ZMIZ1: variants seen among roughly 807,000 people sequenced by gnomAD.
ZMIZ1 encodes zinc finger MIZ-type containing 1, also known as zinc finger MIZ domain-containing protein 1.
In ZMIZ1, 17 loss-of-function variants were observed where a neutral mutation model predicts 113.9. The ratio of observed to expected loss-of-function variants is 0.15; its 90% CI spans 0.10 to 0.22. ZMIZ1 has a LOEUF of 0.22. ZMIZ1 is among the 10% of genes least tolerant of loss of function. ZMIZ1 has a pLI of 1.00. For synonymous variants in ZMIZ1, 607 were observed against 603.1 expected (o/e 1.01, Z -0.09); for missense variants, 1,059 against 1,477.8 (o/e 0.72, Z 4.65).
At chr10:79,270,544 T>C (rs1286475151) in intron 7 of ZMIZ1, among the ~76,000 whole-genome samples, 1 of 152,210 alleles carries the variant, frequency 6.6e-6, no homozygotes, top group Non-Finnish European at 1.5e-5. Flanking sequence ...CCGATCATAC[T>C]ATGGCACAGC....
chr10:79,097,749 A>G lies in ZMIZ1; in HGVS notation c.-336-21166A>G, dbSNP rs1843220125. ...CAGTGGCGCAGTGAAGTTTTTATCA[A>G]TTTCTGTCACTTTGGGCTTTTGTGC... is the stretch of plus-strand genomic sequence containing the variant. On this transcript the variant is annotated intron_variant, in intron 1 of 24. Transcript: ENST00000334512. Among the ~76,000 whole-genome samples the G allele has an allele frequency of 3.3e-5, 5 of 152,074 alleles. 1 individual carries two copies. The South Asian group carries it at 1.0e-3, about 32-fold the overall frequency.
intron 1 of ZMIZ1, among the ~76,000 whole-genome samples, chr10:79,080,588 C>T (rs765230148): frequency 1.3e-5 from 2 of 152,110 alleles, no homozygotes; most frequent in Middle Eastern, 3.2e-3. Flanking sequence ...GGATTATAGA[C>T]GTGAGTCACT....
At position 79,102,333 on chromosome 10, in the gene ZMIZ1, C is replaced by T. The variant is rs571674480; in HGVS notation, c.-336-16582C>T. On this transcript the variant is annotated intron_variant, in intron 1 of 24. Transcript: ENST00000334512. ...TTTTTAGCCTTCAGAGGGCTGTGGG[C>T]GCAGCAGCGTGACCTGAATCTGGCT... Among the ~76,000 whole-genome samples, 12 of 152,320 alleles carry T rather than the reference C, an allele frequency of 7.9e-5. No individual in the cohort carries two copies. In the South Asian group the frequency reaches 1.4e-3, roughly 18 times the overall value.
intron 1 of ZMIZ1, among the ~76,000 whole-genome samples, chr10:79,078,071 G>C (rs1212644305): frequency 1.3e-5 from 2 of 152,204 alleles, no homozygotes; most frequent in Non-Finnish European, 2.9e-5. Flanking sequence ...CCCCCAGTCA[G>C]TCATAACCCA....
intron 3 of ZMIZ1, among the ~76,000 whole-genome samples, chr10:79,141,494 A>G (rs1237286593): frequency 6.6e-6 from 1 of 151,490 alleles, no homozygotes; most frequent in Non-Finnish European, 1.5e-5. Flanking sequence ...TGTAACCTCG[A>G]CCTCCCCAGC....
At chr10:79,259,202 T>A (rs1851104101) in intron 7 of ZMIZ1, among the ~76,000 whole-genome samples, 1 of 152,174 alleles carries the variant, frequency 6.6e-6, no homozygotes, top group African/African-American at 2.4e-5. Flanking sequence ...TTTAATTTGT[T>A]TTTTCTTGCT....
intron 14 of ZMIZ1, 119 bp from the exon 15 acceptor site, chr10:79,298,287 C>T: frequency 2.6e-6 from 3 of 1,132,800 alleles, no homozygotes. Flanking sequence ...CTGGAGGAGG[C>T]TCTCCTCCCG....
intron 1 of ZMIZ1, among the ~76,000 whole-genome samples, chr10:79,077,194 G>A (rs116976374): frequency 0.011 from 1,643 of 152,214 alleles, 11 homozygotes; most frequent in Non-Finnish European, 0.015. Flanking sequence ...TGTCCACAGG[G>A]GTCCCACCCA....
chr10:79,257,707 G>C (rs1183849374), intron 7 of ZMIZ1, among the ~76,000 whole-genome samples: 1 of 152,264 alleles, frequency 6.6e-6, no homozygotes, highest in Admixed American at 6.5e-5. Context: ...TGCTCTTGCT[G>C]TCTATCTCCT....
chr10:79,285,413 A>G, intron 8 of ZMIZ1: 1 of 453,860 alleles, frequency 2.2e-6, no homozygotes, highest in South Asian at 1.6e-5. Context: ...CCCTCACGGC[A>G]GCCTTCGAAG....
intron 3 of ZMIZ1, among the ~76,000 whole-genome samples, chr10:79,150,439 C>T (rs926077847): frequency 6.6e-6 from 1 of 152,256 alleles, no homozygotes; most frequent in African/African-American, 2.4e-5. Context: ...ACCCCCCACA[C>T]ATGCTAATGA....
chr10:79,150,880 G>T (rs1029322069), intron 3 of ZMIZ1, among the ~76,000 whole-genome samples: 11 of 152,068 alleles, frequency 7.2e-5, no homozygotes, highest in Admixed American at 3.3e-4. Context: ...TGAGGGGCAG[G>T]CTGTCCCACC....
At chr10:79,198,758 G>T (rs1847944107) in intron 4 of ZMIZ1, among the ~76,000 whole-genome samples, 2 of 152,374 alleles carry the variant, frequency 1.3e-5, no homozygotes, top group South Asian at 4.1e-4. Context: ...TTGGAGCCGG[G>T]CGCAGTCGCT....
At chr10:79,245,676 CG>C (rs1364508783) in intron 7 of ZMIZ1, among the ~76,000 whole-genome samples, 1 of 152,144 alleles carries the variant, frequency 6.6e-6, no homozygotes, top group Non-Finnish European at 1.5e-5. Flanking sequence ...AGAGGTTCTG[CG>C]GAAGTCCTGC....
intron 4 of ZMIZ1, among the ~76,000 whole-genome samples, chr10:79,201,220 A>AT (rs1564715843): frequency 6.6e-6 from 1 of 152,196 alleles, no homozygotes; most frequent in Non-Finnish European, 1.5e-5. Flanking sequence ...AGGCAGGAGA[A>AT]TCGCTTGAAC....
chr10:79,312,231 A>G (rs977194316), intron 24 of ZMIZ1, among the ~76,000 whole-genome samples: 1 of 152,224 alleles, frequency 6.6e-6, no homozygotes, highest in Non-Finnish European at 1.5e-5. Flanking sequence ...GGGGCGGTGC[A>G]GGAACCACTC....
intron 7 of ZMIZ1, among the ~76,000 whole-genome samples, chr10:79,220,137 T>C (rs1426701340): frequency 1.3e-5 from 2 of 152,272 alleles, no homozygotes; most frequent in Non-Finnish European, 1.5e-5. Context: ...GGCTGTGGCC[T>C]CGTCTGTGAA....
rs767294452 is a variant in ZMIZ1 at position 79,292,308 on chromosome 10, G to A, written c.909G>A (p.Val303=). The A allele has an allele frequency of 1.2e-6, 2 of 1,613,526 alleles. No individual in the cohort carries two copies. The highest frequency in any genetic ancestry group is 3.3e-5 in the Admixed American group (2 of 60,014). The part of the protein sequence containing the change: ...ATATATATAT[V]AALQETQNKD... ...CTACAGCCACAGCCACGGCCACTGT[G>A]GCAGCCCTGCAGGAGACACAGAACA... Residue 303 remains valine, a synonymous_variant, in exon 11 of 25, where the codon GTG becomes GTA. Transcript: ENST00000334512.
At chr10:79,237,138 A>AC (rs11428762) in intron 7 of ZMIZ1, among the ~76,000 whole-genome samples, 47,113 of 151,966 alleles carry the variant, frequency 0.31, 7,584 homozygotes, top group East Asian at 0.56. Flanking sequence ...TCCTGGCAGA[A>AC]CCCTGGAGGT....
Sources: allele counts gnomAD v4.1 joint callset (sites outside exome capture counted in the v4.1 genomes callset), GRCh38; gene constraint gnomAD v4.1.1; transcripts MANE v1.5; gene names NCBI Gene and HGNC (gene_info 2026-07-23, HGNC 2026-07-21).